The following FOXP2 variants were observed in gnomAD, a reference collection of about 807,000 sequenced individuals.
FOXP2 encodes the protein forkhead box protein P2.
In FOXP2, 12 loss-of-function variants were observed where a neutral mutation model predicts 115.8. The observed-to-expected ratio is 0.10, with a 90% CI of 0.07 to 0.17. FOXP2 has a LOEUF of 0.17. Among genes scored for constraint, FOXP2 ranks in the 10% least tolerant of loss-of-function variants. The pLI is 1.00. For missense variants in FOXP2, 629 were observed against 843.5 expected, an observed-to-expected ratio of 0.75 and a Z score of 3.15; for synonymous variants, 328 against 297.7, an observed-to-expected ratio of 1.10 and a Z score of -1.05.
intron 10 of FOXP2, 189 bp downstream of exon 10, chr7:114,654,198 A>G: frequency 7.4e-7 from 1 of 1,355,984 alleles, no homozygotes; most frequent in Non-Finnish European, 9.8e-7. Flanking sequence ...TACAAAATCT[A>G]TCCAATCTAC....
At chr7:114,253,891 T>A (rs1256647681) in intron 1 of FOXP2, among the ~76,000 whole-genome samples, 1 of 152,234 alleles carries the variant, frequency 6.6e-6, no homozygotes, top group East Asian at 1.9e-4. Flanking sequence ...CTAGCCTCGA[T>A]GGTCTTTACA....
chr7:114,247,417 CCT>C (rs1433010006), intron 1 of FOXP2, among the ~76,000 whole-genome samples: 13 of 152,218 alleles, frequency 8.5e-5, no homozygotes, highest in African/African-American at 3.1e-4. Context: ...TGGGTGCTAA[CCT>C]CTGTTTCTTT....
chr7:114,515,621 C>A (rs1456921983), intron 2 of FOXP2, among the ~76,000 whole-genome samples: 1 of 151,722 alleles, frequency 6.6e-6, no homozygotes, highest in Non-Finnish European at 1.5e-5. Flanking sequence ...GATATTAGCC[C>A]TTTGTCAGAT....
intron 1 of FOXP2, among the ~76,000 whole-genome samples, chr7:114,141,107 A>T (rs1158942848): frequency 1.3e-5 from 2 of 152,128 alleles, no homozygotes; most frequent in Non-Finnish European, 2.9e-5. Context: ...TTCCTCACTT[A>T]AGTTCTGAAT....
chr7:114,475,728 C>T (rs983012962), intron 2 of FOXP2, among the ~76,000 whole-genome samples: 7 of 151,936 alleles, frequency 4.6e-5, no homozygotes, highest in Non-Finnish European at 1.0e-4. Context: ...TCAAAAACAT[C>T]TCTTATGGTT....
At chr7:114,451,538 AAAGT>A (rs900783120) in intron 2 of FOXP2, among the ~76,000 whole-genome samples, 7 of 152,032 alleles carry the variant, frequency 4.6e-5, no homozygotes, top group Admixed American at 6.6e-5. Context: ...TATCAGAAAG[AAAGT>A]AAGTCCCTCC....
chr7:114,298,704 A>G (rs2694929), intron 2 of FOXP2, among the ~76,000 whole-genome samples: 85,853 of 152,010 alleles, frequency 0.56, 26,948 homozygotes, highest in Admixed American at 0.74. Flanking sequence ...CCAGTAGTCT[A>G]TTGCCCAGGA....
At chr7:114,427,981 A>C (rs1436951907) in intron 2 of FOXP2, among the ~76,000 whole-genome samples, 1 of 151,690 alleles carries the variant, frequency 6.6e-6, no homozygotes, top group Admixed American at 6.6e-5. Context: ...TGCCTACCAC[A>C]GTCCCAGGAT....
At chr7:114,495,483 C>CTCTTTTTT (rs776653007) in intron 2 of FOXP2, among the ~76,000 whole-genome samples, 113 of 61,480 alleles carry the variant, frequency 1.8e-3, no homozygotes, top group Non-Finnish European at 2.3e-3. Context: ...TTCTCTCTCT[C>CTCTTTTTT]TTTTTTTTTT....
chr7:114,661,514 A>T (rs575589701), intron 13 of FOXP2, among the ~76,000 whole-genome samples: 1 of 152,138 alleles, frequency 6.6e-6, no homozygotes. Flanking sequence ...TTGTGCAGGC[A>T]GAACGTTACA....
chr7:114,649,131 C>T (rs1806088375), intron 8 of FOXP2, among the ~76,000 whole-genome samples: 1 of 151,862 alleles, frequency 6.6e-6, no homozygotes, highest in African/African-American at 2.4e-5. Flanking sequence ...AGACCTTTGC[C>T]ATCAGAAAAA....
chr7:114,493,237 T>C (rs986901675), intron 2 of FOXP2, among the ~76,000 whole-genome samples: 1 of 152,104 alleles, frequency 6.6e-6, no homozygotes, highest in Admixed American at 6.6e-5. Context: ...ACAACCGCTG[T>C]CTTTTTTTGT....
intron 2 of FOXP2, among the ~76,000 whole-genome samples, chr7:114,309,040 T>A (rs1337838182): frequency 1.3e-5 from 2 of 152,194 alleles, no homozygotes; most frequent in African/African-American, 4.8e-5. Context: ...CTTTTCAGAA[T>A]GTATTTTTAA....
chr7:114,641,359 T>G (rs1346949330), intron 6 of FOXP2, among the ~76,000 whole-genome samples: 2 of 152,218 alleles, frequency 1.3e-5, no homozygotes, highest in Non-Finnish European at 2.9e-5. Flanking sequence ...TTTTCTATTT[T>G]TATTGTTGTA....
intron 1 of FOXP2, among the ~76,000 whole-genome samples, chr7:114,191,164 T>C (rs1793751543): frequency 6.6e-6 from 1 of 152,182 alleles, no homozygotes. Context: ...TCCCTGTAGG[T>C]TTATTCCTTT....
At chr7:114,663,559 G>A in intron 15 of FOXP2, 40 bp downstream of exon 15, 1 of 1,405,562 alleles carries the variant, frequency 7.1e-7, no homozygotes, top group Non-Finnish European at 9.8e-7. Flanking sequence ...TGAATGTTTA[G>A]GGCTTTTTTT....
At chr7:114,525,352 C>T (rs1429558261) in intron 2 of FOXP2, among the ~76,000 whole-genome samples, 1 of 152,134 alleles carries the variant, frequency 6.6e-6, no homozygotes, top group African/African-American at 2.4e-5. Flanking sequence ...AAATCACTTA[C>T]ATGTGAAGTT....
At chr7:114,628,705 C>A (rs750342181) in intron 4 of FOXP2, 28 bp downstream of exon 4, 14 of 1,613,506 alleles carry the variant, frequency 8.7e-6, no homozygotes, top group Middle Eastern at 3.3e-4. Flanking sequence ...CTTTGGTGTT[C>A]TAGCATGACT....
At chr7:114,329,622 G>A (rs185985093) in intron 2 of FOXP2, among the ~76,000 whole-genome samples, 122 of 151,270 alleles carry the variant, frequency 8.1e-4, no homozygotes, top group African/African-American at 2.7e-3. Flanking sequence ...TAGTGATACC[G>A]TGCCATTTTT....
Sources: allele counts gnomAD v4.1 joint callset (sites outside exome capture counted in the v4.1 genomes callset), GRCh38; gene constraint gnomAD v4.1.1; transcripts MANE v1.5; gene names NCBI Gene and HGNC (gene_info 2026-07-23, HGNC 2026-07-21).